SAMD12: variants seen among roughly 807,000 people sequenced by gnomAD.
The protein encoded by SAMD12 is sterile alpha motif domain containing 12, also known as sterile alpha motif domain-containing protein 12.
A neutral mutation model predicts 15.0 loss-of-function variants in SAMD12; 9 were observed. The ratio of observed to expected loss-of-function variants is 0.60; its 90% CI spans 0.36 to 1.05. The LOEUF (loss-of-function observed/expected upper bound fraction) is 1.05. SAMD12 is among the 50% of genes least tolerant of loss of function. The pLI is 0.01. For missense variants in SAMD12, 230 were observed against 234.2 expected (o/e 0.98, Z 0.12); for synonymous variants, 86 against 90.1 (o/e 0.96, Z 0.25).
intron 4 of SAMD12, among the ~76,000 whole-genome samples, chr8:118,200,400 T>G (rs1586335676): frequency 3.2e-5 from 1 of 30,920 alleles, no homozygotes; most frequent in African/African-American, 1.4e-4. Flanking sequence ...CCTATTAGAG[T>G]ACCAAAAAAA....
At chr8:118,227,590 G>A (rs1016853301) in intron 4 of SAMD12, among the ~76,000 whole-genome samples, 8 of 152,136 alleles carry the variant, frequency 5.3e-5, no homozygotes, top group Admixed American at 3.9e-4. Flanking sequence ...TACTGGGTAA[G>A]TCACTTTCCT....
At chr8:118,543,432 G>A (rs549174479) in intron 2 of SAMD12, among the ~76,000 whole-genome samples, 16 of 151,998 alleles carry the variant, frequency 1.1e-4, no homozygotes, top group Non-Finnish European at 2.1e-4. Flanking sequence ...AAACAAAAAC[G>A]CACCTTTTAA....
chr8:118,467,417 T>C (rs1199584391), intron 2 of SAMD12, among the ~76,000 whole-genome samples: 2 of 152,170 alleles, frequency 1.3e-5, no homozygotes, highest in African/African-American at 2.4e-5. Flanking sequence ...AAATTTTACA[T>C]GAATGTTTAT....
intron 4 of SAMD12, among the ~76,000 whole-genome samples, chr8:118,316,099 A>G (rs1815886002): frequency 6.6e-6 from 1 of 152,208 alleles, no homozygotes; most frequent in African/African-American, 2.4e-5. Context: ...TGCTGTTCGA[A>G]GGAAAGTTTC....
intron 2 of SAMD12, among the ~76,000 whole-genome samples, chr8:118,479,852 C>T (rs972040433): frequency 4.6e-5 from 7 of 151,638 alleles, no homozygotes; most frequent in Non-Finnish European, 1.0e-4. Context: ...GTGATCACTG[C>T]TACATCCCTG....
At chr8:118,216,943 C>A (rs773468493) in intron 4 of SAMD12, among the ~76,000 whole-genome samples, 6 of 152,158 alleles carry the variant, frequency 3.9e-5, no homozygotes, top group Non-Finnish European at 7.3e-5. Context: ...CCTATATCCA[C>A]CCTCTATATC....
At chr8:118,305,216 C>T (rs1815278501) in intron 4 of SAMD12, among the ~76,000 whole-genome samples, 1 of 149,480 alleles carries the variant, frequency 6.7e-6, no homozygotes, top group African/African-American at 2.5e-5. Context: ...AGTGTTGTGC[C>T]ACCATCATTG....
At chr8:118,406,137 A>G (rs181125463) in intron 3 of SAMD12, among the ~76,000 whole-genome samples, 2 of 152,248 alleles carry the variant, frequency 1.3e-5, no homozygotes, top group African/African-American at 4.8e-5. Flanking sequence ...GGATAAATAC[A>G]TAGGACCCTC....
chr8:118,556,141 C>T (rs755479941), intron 2 of SAMD12, among the ~76,000 whole-genome samples: 24 of 152,314 alleles, frequency 1.6e-4, no homozygotes, highest in Non-Finnish European at 2.6e-4. Context: ...TATGCCTCAC[C>T]TGCATTCTCA....
chr8:118,571,198 G>A (rs1241225534), intron 2 of SAMD12, among the ~76,000 whole-genome samples: 10 of 152,188 alleles, frequency 6.6e-5, no homozygotes, highest in Non-Finnish European at 1.5e-4. Flanking sequence ...AAATGTAGAA[G>A]TGACTTTAGA....
At chr8:118,530,326 A>T (rs1434480603) in intron 2 of SAMD12, among the ~76,000 whole-genome samples, 1 of 152,194 alleles carries the variant, frequency 6.6e-6, no homozygotes, top group East Asian at 1.9e-4. Context: ...TGAGGTAATC[A>T]GCATAATATC....
chr8:118,579,237 C>T (rs976189882), intron 2 of SAMD12, among the ~76,000 whole-genome samples: 8 of 151,978 alleles, frequency 5.3e-5, no homozygotes, highest in African/African-American at 1.9e-4. Flanking sequence ...TTTAGGCATC[C>T]TTTGGAAAAT....
At chr8:118,461,354 CA>C (rs1823417341) in intron 2 of SAMD12, among the ~76,000 whole-genome samples, 1 of 152,184 alleles carries the variant, frequency 6.6e-6, no homozygotes, top group Admixed American at 6.5e-5. Context: ...CAAGACAGAA[CA>C]CATTATACTA....
chr8:118,335,274 A>G (rs1216058570), intron 4 of SAMD12, among the ~76,000 whole-genome samples: 2 of 152,156 alleles, frequency 1.3e-5, no homozygotes, highest in African/African-American at 4.8e-5. Flanking sequence ...GTCTCAACCA[A>G]CAAATCCAGA....
chr8:118,333,549 C>CT (rs1431895063), intron 4 of SAMD12, among the ~76,000 whole-genome samples: 10 of 135,502 alleles, frequency 7.4e-5, no homozygotes, highest in African/African-American at 2.0e-4. Context: ...AGTTATGATT[C>CT]TTTTGTTTTT....
At chr8:118,318,989 G>A (rs1214633763) in intron 4 of SAMD12, among the ~76,000 whole-genome samples, 1 of 152,108 alleles carries the variant, frequency 6.6e-6, no homozygotes. Flanking sequence ...TTGTGGGTAA[G>A]AGCTGGACCA....
the SAMD12 span, among the ~76,000 whole-genome samples, chr8:118,133,008 A>ATATC: frequency 1.9e-5 from 2 of 106,812 alleles, no homozygotes; most frequent in African/African-American, 3.5e-5. Context: ...ATATATATAT[A>ATATC]TATATATATA....
intron 4 of SAMD12, among the ~76,000 whole-genome samples, chr8:118,272,734 A>G (rs1366210853): frequency 6.6e-6 from 1 of 152,182 alleles, no homozygotes; most frequent in Non-Finnish European, 1.5e-5. Context: ...TTTACATAGC[A>G]AGAGTCATCT....
intron 1 of SAMD12, among the ~76,000 whole-genome samples, chr8:118,618,522 T>C (rs1484734181): frequency 1.3e-5 from 2 of 152,074 alleles, no homozygotes; most frequent in African/African-American, 4.8e-5. Context: ...CAGACACCCT[T>C]CTAGAAGCCC....
Sources: allele counts gnomAD v4.1 joint callset (sites outside exome capture counted in the v4.1 genomes callset), GRCh38; gene constraint gnomAD v4.1.1; transcripts MANE v1.5; gene names NCBI Gene and HGNC (gene_info 2026-07-23, HGNC 2026-07-21).